Variants in ZBTB8OS observed in about 807,000 individuals in gnomAD.
ZBTB8OS encodes tRNA-splicing ligase-activating factor archease.
In ZBTB8OS, 16 loss-of-function variants were observed where a neutral mutation model predicts 29.3. The ratio of observed to expected loss-of-function variants is 0.55; its 90% CI spans 0.37 to 0.83. The LOEUF is 0.83. ZBTB8OS is among the 40% of genes least tolerant of loss of function. The pLI, the probability that ZBTB8OS is intolerant of heterozygous loss-of-function variation, is 0.00. For missense variants in ZBTB8OS, 160 were observed against 196.9 expected (o/e 0.81, Z 1.12); for synonymous variants, 70 against 64.6 (o/e 1.08, Z -0.40).
intron 2 of ZBTB8OS, 168 bp from the exon 3 acceptor site, chr1:32,634,240 T>G: frequency 2.1e-6 from 1 of 481,814 alleles, no homozygotes; most frequent in South Asian, 6.7e-5. Flanking sequence ...TTATTTATGA[T>G]TTTTTAGACT....
upstream of ZBTB8OS, chr1:32,650,642 T>C (rs1032519643): frequency 2.5e-6 from 4 of 1,575,742 alleles, no homozygotes; most frequent in African/African-American, 2.7e-5. Flanking sequence ...AGGACCACAC[T>C]CCTTTCTCGG....
intron 5 of ZBTB8OS, among the ~76,000 whole-genome samples, chr1:32,629,733 T>C (rs1645392702): frequency 6.6e-6 from 1 of 151,444 alleles, no homozygotes; most frequent in Admixed American, 6.6e-5. Context: ...GCTAGTACTT[T>C]TGGACATGCT....
In ZBTB8OS at chr1:32,621,966, G is replaced by GAAAAAA; in HGVS notation, c.418-24_418-19dup. 2 of 919,000 alleles carry GAAAAAA rather than the reference G, an allele frequency of 2.2e-6. No individual in the cohort carries two copies. Among genetic ancestry groups the GAAAAAA allele is most frequent in the South Asian group, 1.9e-5 (1 of 53,006 alleles). The allele number at this position is 919,000 out of a possible 1,614,324, so 56.9% of individuals were successfully genotyped here. The stretch of plus-strand genomic sequence containing the variant: ...TCTGTTCCCTAAAGTTGGGGTTAGA[G>GAAAAAA]AAAAAAAAAAAAAAAAGGAAAATAG... On this transcript the variant is annotated intron_variant, in intron 6 of 6. Transcript: ENST00000468695.
At chr1:32,640,353 C>T (rs560657880) in intron 1 of ZBTB8OS, among the ~76,000 whole-genome samples, 2 of 152,244 alleles carry the variant, frequency 1.3e-5, no homozygotes, top group Non-Finnish European at 2.9e-5. Flanking sequence ...CCACCCCTCT[C>T]GGCCTCCCAA....
rs1430923681 is a variant in ZBTB8OS, at chr1:32,634,759, T to C, written c.122+9A>G. 5.0e-6 allele frequency: 8 copies of C among 1,614,014 alleles called. No homozygotes were observed. The highest frequency in any genetic ancestry group is 1.1e-5 in the South Asian group (1 of 91,086). On this transcript the variant is annotated intron_variant, in intron 2 of 6. Transcript: ENST00000468695. ...TGGTTTCAAAGGAATGAACTCCCGC[T>C]ATACTCACTGGACATCTGCTGTATG...
chr1:32,639,852 A>G (rs539285229), intron 1 of ZBTB8OS: 1 of 152,328 alleles, frequency 6.6e-6, no homozygotes, highest in African/African-American at 2.4e-5. Flanking sequence ...CTGGCAATAT[A>G]GTCATTTACT....
intron 1 of ZBTB8OS, among the ~76,000 whole-genome samples, chr1:32,635,928 G>T (rs1435376664): frequency 6.6e-6 from 1 of 152,120 alleles, no homozygotes; most frequent in East Asian, 1.9e-4. Flanking sequence ...TACAAGATTA[G>T]AAATTAGAGT....
At chr1:32,633,365 C>G in intron 4 of ZBTB8OS, 1 of 307,992 alleles carries the variant, frequency 3.2e-6, no homozygotes, top group South Asian at 5.1e-5. Context: ...CTATCAAAAA[C>G]AAAAACAGAA....
rs1423284838 is a variant in ZBTB8OS at position 32,633,971 on chromosome 1, G to A, written c.224C>T (p.Thr75Ile). The change falls in exon 3 of 7, where the codon ACA (threonine) becomes ATA (isoleucine). Residue 75 changes from threonine to isoleucine, a missense_variant. Physicochemically the swap from Thr to Ile is moderately conservative, Grantham distance 89. Transcript: ENST00000468695. ...TDTGTVEPLQ[T>I]VEVETQGDDL... ...TTTACCTTGGGTTTCTACTTCTACT[G>A]TTTGGAGGGGCTCCACTGTCCCAGT... 1.9e-6 allele frequency: 3 copies of A among 1,587,984 alleles called. No individual in the cohort carries two copies. The highest frequency in any genetic ancestry group is 4.5e-5 in the East Asian group (2 of 44,700).
intron 2 of ZBTB8OS, 64 bp downstream of exon 2, chr1:32,634,704 A>C (rs1219515750): frequency 1.2e-6 from 2 of 1,607,832 alleles, no homozygotes; most frequent in Non-Finnish European, 1.7e-6. Context: ...AGGGATACCA[A>C]GATTGAAACA....
chr1:32,633,457 T>C (rs1321929621), intron 4 of ZBTB8OS, 188 bp downstream of exon 4: 3 of 526,110 alleles, frequency 5.7e-6, no homozygotes, highest in Non-Finnish European at 1.0e-5. Flanking sequence ...AAATACGAAA[T>C]GTTCCCACAT....
chr1:32,648,004 T>C (rs1330043267), intron 1 of ZBTB8OS, among the ~76,000 whole-genome samples: 1 of 151,938 alleles, frequency 6.6e-6, no homozygotes, highest in East Asian at 1.9e-4. Flanking sequence ...ATAAAAACAC[T>C]TTCTGCCTAG....
At chr1:32,624,402 TA>T (rs1644960601) in intron 6 of ZBTB8OS, among the ~76,000 whole-genome samples, 3 of 151,888 alleles carry the variant, frequency 2.0e-5, no homozygotes, top group Non-Finnish European at 4.4e-5. Flanking sequence ...CTCGAGTGCA[TA>T]AAAAAAAGTC....
intron 1 of ZBTB8OS, among the ~76,000 whole-genome samples, chr1:32,650,103 G>A (rs939369840): frequency 6.6e-6 from 1 of 152,118 alleles, no homozygotes; most frequent in East Asian, 1.9e-4. Context: ...TAATCTCACC[G>A]TTGGGAAATA....
At chr1:32,646,623 C>T (rs953171623) in intron 1 of ZBTB8OS, among the ~76,000 whole-genome samples, 38 of 150,994 alleles carry the variant, frequency 2.5e-4, no homozygotes, top group African/African-American at 8.3e-4. Context: ...CTCCTGACCT[C>T]GTGATCCGCC....
At chr1:32,639,281 G>C (rs1454766007) in intron 1 of ZBTB8OS, among the ~76,000 whole-genome samples, 2 of 150,042 alleles carry the variant, frequency 1.3e-5, no homozygotes, top group Non-Finnish European at 3.0e-5. Context: ...CTGGGCAACA[G>C]AGCAAGACTC....
At chr1:32,650,614 C>G (rs777233381), upstream of ZBTB8OS, 7 of 1,611,118 alleles carry the variant, frequency 4.3e-6, no homozygotes, top group Admixed American at 1.2e-4. Context: ...GACTCCGCCC[C>G]TTGGCGCACA....
intron 6 of ZBTB8OS, among the ~76,000 whole-genome samples, chr1:32,624,052 G>A (rs1644931847): frequency 6.6e-6 from 1 of 152,056 alleles, no homozygotes; most frequent in African/African-American, 2.4e-5. Flanking sequence ...TTCTCTTCCT[G>A]CCACAATGTG....
chr1:32,634,832 T>C (rs1243795426), intron 1 of ZBTB8OS, 40 bp from the exon 2 acceptor site: 1 of 1,327,052 alleles, frequency 7.5e-7, no homozygotes, highest in African/African-American at 1.4e-5. Flanking sequence ...GACACTAAAC[T>C]TGACTCTCAA....
Sources: allele counts gnomAD v4.1 joint callset (sites outside exome capture counted in the v4.1 genomes callset), GRCh38; gene constraint gnomAD v4.1.1; transcripts MANE v1.5; gene names NCBI Gene and HGNC (gene_info 2026-07-23, HGNC 2026-07-21).